NKAIN2: variants seen among roughly 807,000 people sequenced by gnomAD.
NKAIN2 encodes sodium/potassium-transporting ATPase subunit beta-1-interacting protein 2.
NKAIN2 carries 14 observed loss-of-function variants against 32.6 expected under a neutral mutation model. That is an observed-to-expected ratio of 0.43 (90% CI 0.28 to 0.67). The LOEUF is 0.67. Ranked by LOEUF, NKAIN2 falls within the 30% of genes least tolerant of loss-of-function variation. The pLI, the probability that NKAIN2 is intolerant of heterozygous loss-of-function variation, is 0.17. For synonymous variants in NKAIN2, 80 were observed against 87.2 expected (o/e 0.92, Z 0.46); for missense variants, 198 against 258.3 (o/e 0.77, Z 1.60).
intron 1 of NKAIN2, among the ~76,000 whole-genome samples, chr6:124,242,970 T>C (rs989826755): frequency 2.6e-5 from 4 of 151,068 alleles, no homozygotes; most frequent in Non-Finnish European, 4.4e-5. Context: ...TGAACCACCA[T>C]GGCATGTGTA....
chr6:124,361,758 G>T (rs960888271), intron 3 of NKAIN2, among the ~76,000 whole-genome samples: 8 of 152,026 alleles, frequency 5.3e-5, no homozygotes, highest in African/African-American at 1.9e-4. Context: ...GAATGTAAGA[G>T]ACAGGAAGGA....
chr6:124,065,962 A>G (rs1783153182), intron 1 of NKAIN2, among the ~76,000 whole-genome samples: 2 of 152,162 alleles, frequency 1.3e-5, no homozygotes, highest in South Asian at 4.1e-4. Flanking sequence ...ACATAACTGC[A>G]TTTCTCAAGT....
chr6:124,798,259 G>A (rs969169574), intron 5 of NKAIN2, among the ~76,000 whole-genome samples: 1 of 152,148 alleles, frequency 6.6e-6, no homozygotes, highest in African/African-American at 2.4e-5. Flanking sequence ...GTTCTTGGGT[G>A]CCAGGTTGAC....
intron 3 of NKAIN2, among the ~76,000 whole-genome samples, chr6:124,611,840 G>A (rs1008299833): frequency 2.0e-5 from 3 of 152,034 alleles, no homozygotes; most frequent in South Asian, 2.1e-4. Context: ...TATACATGTC[G>A]GCTAGACCAG....
At chr6:124,299,481 A>C (rs1236016701) in intron 2 of NKAIN2, among the ~76,000 whole-genome samples, 4 of 152,128 alleles carry the variant, frequency 2.6e-5, no homozygotes, top group Admixed American at 6.6e-5. Context: ...TTTTTTAAAG[A>C]GTGGTATTAC....
chr6:124,237,093 C>A (rs1792810857), intron 1 of NKAIN2, among the ~76,000 whole-genome samples: 1 of 152,050 alleles, frequency 6.6e-6, no homozygotes, highest in Non-Finnish European at 1.5e-5. Flanking sequence ...TTGAGACATA[C>A]TATGGAAAGA....
At chr6:124,215,401 G>A (rs2208783) in intron 1 of NKAIN2, among the ~76,000 whole-genome samples, 106,318 of 151,874 alleles carry the variant, frequency 0.7, 37,399 homozygotes, top group South Asian at 0.76. Flanking sequence ...GATTTGAAAA[G>A]GACTCTCCAA....
At chr6:124,382,244 C>T (rs1255893798) in intron 3 of NKAIN2, among the ~76,000 whole-genome samples, 1 of 151,922 alleles carries the variant, frequency 6.6e-6, no homozygotes, top group African/African-American at 2.4e-5. Context: ...TGTTTACATC[C>T]TTGATGCACA....
At chr6:124,087,379 T>C (rs1275455004) in intron 1 of NKAIN2, among the ~76,000 whole-genome samples, 1 of 151,868 alleles carries the variant, frequency 6.6e-6, no homozygotes, top group Non-Finnish European at 1.5e-5. Flanking sequence ...AAGGATGTCC[T>C]CTCTCACCAT....
At chr6:124,026,496 A>G (rs1376417811) in intron 1 of NKAIN2, among the ~76,000 whole-genome samples, 2 of 152,254 alleles carry the variant, frequency 1.3e-5, no homozygotes, top group South Asian at 4.1e-4. Context: ...AGTATCCTCA[A>G]TATGCATCTC....
intron 1 of NKAIN2, among the ~76,000 whole-genome samples, chr6:123,857,509 T>A (rs555105855): frequency 4.6e-4 from 70 of 152,234 alleles, no homozygotes; most frequent in African/African-American, 1.7e-3. Context: ...TAATTGAAAA[T>A]TTTTATTTTT....
At chr6:123,953,175 G>A (rs181546537) in intron 1 of NKAIN2, among the ~76,000 whole-genome samples, 5 of 152,250 alleles carry the variant, frequency 3.3e-5, no homozygotes, top group Admixed American at 3.3e-4. Flanking sequence ...CTTCCTCAGT[G>A]GCTTAAGGTG....
intron 2 of NKAIN2, among the ~76,000 whole-genome samples, chr6:124,349,167 TA>T (rs1326739331): frequency 3.9e-5 from 6 of 152,088 alleles, no homozygotes; most frequent in Non-Finnish European, 7.4e-5. Context: ...GGGCAGGGTT[TA>T]TTGGGTGCAA....
At chr6:123,963,203 G>A (rs970854267) in intron 1 of NKAIN2, among the ~76,000 whole-genome samples, 1 of 152,134 alleles carries the variant, frequency 6.6e-6, no homozygotes, top group African/African-American at 2.4e-5. Flanking sequence ...TCTTTAGGCT[G>A]CCTTTTTATG....
At chr6:124,645,531 CTAA>C (rs1201443120) in intron 3 of NKAIN2, among the ~76,000 whole-genome samples, 1 of 152,112 alleles carries the variant, frequency 6.6e-6, no homozygotes, top group Non-Finnish European at 1.5e-5. Context: ...GGTTTGGTGC[CTAA>C]TAATAAGAAG....
chr6:124,804,434 G>A (rs898379213), intron 5 of NKAIN2: 1 of 835,764 alleles, frequency 1.2e-6, no homozygotes, highest in Non-Finnish European at 1.4e-6. Context: ...TACTATTATA[G>A]CTATTGCTTT....
At chr6:124,623,974 T>C (rs497817) in intron 3 of NKAIN2, among the ~76,000 whole-genome samples, 26,486 of 152,142 alleles carry the variant, frequency 0.17, 2,362 homozygotes, top group Middle Eastern at 0.23. Flanking sequence ...CAAATCTCTG[T>C]GTCTAGGGGA....
chr6:124,376,433 C>CA (rs979307737), intron 3 of NKAIN2, among the ~76,000 whole-genome samples: 13 of 151,906 alleles, frequency 8.6e-5, no homozygotes, highest in African/African-American at 2.4e-4. Context: ...GCTAAGCAGA[C>CA]AAAAAATCTC....
At chr6:123,841,625 T>A (rs1322769040) in intron 1 of NKAIN2, among the ~76,000 whole-genome samples, 1 of 152,136 alleles carries the variant, frequency 6.6e-6, no homozygotes, top group Admixed American at 6.6e-5. Flanking sequence ...ACATTCTGGG[T>A]AGGGCTCCCA....
Sources: gnomAD v4.1 joint callset for allele counts (sites outside exome capture counted in the v4.1 genomes callset) on GRCh38, gnomAD v4.1.1 for gene constraint, MANE v1.5 for transcripts, NCBI Gene and HGNC (gene_info 2026-07-23, HGNC 2026-07-21) for gene names.